Variants in CLIP2 observed in about 807,000 individuals in gnomAD.
CLIP2 encodes CAP-Gly domain-containing linker protein 2.
CLIP2 carries 41 observed loss-of-function variants against 111.7 expected under a neutral mutation model. The observed-to-expected ratio is 0.37, with a 90% confidence interval of 0.29 to 0.48. The LOEUF (loss-of-function observed/expected upper bound fraction) is 0.48, where lower values mean the gene tolerates loss of function less well. Ranked by LOEUF, CLIP2 falls within the 20% of genes least tolerant of loss-of-function variation. CLIP2 has a pLI of 0.99. For missense variants in CLIP2, 1,160 were observed against 1,422.1 expected, an observed-to-expected ratio of 0.82 and a Z score of 2.96; for synonymous variants, 660 against 644.2, an observed-to-expected ratio of 1.02 and a Z score of -0.37.
chr7:74,373,054 C>T lies in CLIP2; in HGVS notation c.1485+18C>T, dbSNP rs782635400. ...ACAACAGGGTAACCGCGCCACCGCACCCGCCTGGCCCGCCAGCCACCTTGC... is the reference window on the plus strand; with the variant it reads ...ACAACAGGGTAACCGCGCCACCGCATCCGCCTGGCCCGCCAGCCACCTTGC... On this transcript the variant is annotated intron_variant, in intron 9 of 16. Transcript: ENST00000223398. The T allele has an allele frequency of 2.2e-5, 34 of 1,515,066 alleles. No individual in the cohort carries two copies. Among genetic ancestry groups the T allele is most frequent in the Middle Eastern group, 1.7e-4 (1 of 5,918 alleles). The allele number at this position is 1,515,066 out of a possible 1,614,324, so 93.9% of individuals were successfully genotyped here. A position where few individuals can be genotyped will look rare whatever the true frequency, so the allele number is the denominator to read the frequency against.
At chr7:74,382,493 T>A (rs1259773737) in intron 11 of CLIP2, among the ~76,000 whole-genome samples, 1 of 148,180 alleles carries the variant, frequency 6.7e-6, no homozygotes. Context: ...TTTTTTTTTT[T>A]AGTAGAGATG....
chr7:74,341,597 C>CT (rs201360817), intron 3 of CLIP2, among the ~76,000 whole-genome samples: 10,028 of 142,772 alleles, frequency 0.07, 756 homozygotes, highest in East Asian at 0.36. Context: ...CTTTTCTTTT[C>CT]TTTTTTTTTT....
At chr7:74,339,138 G>A (rs905882073) in intron 3 of CLIP2, 134 bp downstream of exon 3, 1 of 739,036 alleles carries the variant, frequency 1.4e-6, no homozygotes, top group African/African-American at 1.8e-5. Context: ...GTCCAGCCTG[G>A]GACACCCATT....
intron 7 of CLIP2, among the ~76,000 whole-genome samples, chr7:74,362,323 G>GCCCCCAT (rs1790349386): frequency 6.6e-6 from 1 of 151,970 alleles, no homozygotes; most frequent in African/African-American, 2.4e-5. Context: ...GCAGCAGCCA[G>GCCCCCAT]CCCCCATCCC....
At chr7:74,307,455 A>AT (rs1382111216) in intron 1 of CLIP2, among the ~76,000 whole-genome samples, 1 of 152,164 alleles carries the variant, frequency 6.6e-6, no homozygotes, top group Non-Finnish European at 1.5e-5. Context: ...ATGAGGCCAC[A>AT]TTCGTGCAAT....
intron 11 of CLIP2, 157 bp from the exon 12 acceptor site, chr7:74,386,364 G>A: frequency 1.7e-6 from 1 of 576,348 alleles, no homozygotes. Flanking sequence ...TTCTTCAGGA[G>A]GGGTTACCCA....
intron 2 of CLIP2, among the ~76,000 whole-genome samples, chr7:74,330,374 A>G (rs1411751000): frequency 2.7e-5 from 4 of 150,572 alleles, no homozygotes; most frequent in Non-Finnish European, 5.9e-5. Flanking sequence ...CTCCTTCCTC[A>G]GCCTTCCGAG....
intron 2 of CLIP2, among the ~76,000 whole-genome samples, chr7:74,328,911 T>TTATA (rs782029254): frequency 6.7e-6 from 1 of 149,172 alleles, no homozygotes; most frequent in Admixed American, 6.7e-5. Flanking sequence ...GTATTATTAT[T>TTATA]TATATATATA....
intron 3 of CLIP2, among the ~76,000 whole-genome samples, chr7:74,342,577 C>T (rs998229675): frequency 3.3e-5 from 5 of 152,086 alleles, no homozygotes; most frequent in Admixed American, 6.6e-5. Flanking sequence ...GGGTTAAGGA[C>T]ATCACACCTG....
At chr7:74,390,788 C>G (rs1219512555) in intron 13 of CLIP2, among the ~76,000 whole-genome samples, 2 of 151,636 alleles carry the variant, frequency 1.3e-5, no homozygotes, top group African/African-American at 4.8e-5. Flanking sequence ...TGGCTTCTGC[C>G]TGTAATCCCA....
At position 74,376,619 on chromosome 7, in the gene CLIP2, G is replaced by A. The variant is rs782501959; in HGVS notation, c.2218G>A (p.Val740Met). 5.0e-6 allele frequency: 8 copies of A among 1,613,158 alleles called. No homozygotes were observed. The highest frequency in any genetic ancestry group is 2.7e-5 in the African/African-American group (2 of 74,918). The stretch of plus-strand genomic sequence containing the variant: ...TGTGCACGAGCTGGAAAAACTGGAC[G>A]TGGAGTACCGGGGCCAGGCGCAGGC... ...LRVHELEKLD[V>M]EYRGQAQAIE... is the part of the protein sequence containing the mutation. Residue 740 changes from valine (V) to methionine (M), a missense_variant, in exon 10 of 17, where the codon GTG (valine) becomes ATG (methionine). Physicochemically the swap from Val to Met is conservative, Grantham distance 21 (BLOSUM62 1). This residue lies in a region of CLIP2 where 676 missense variants were observed against 777.8 expected (regional missense o/e 0.87). Coordinates refer to ENST00000223398, the MANE Select transcript of CLIP2 (RefSeq NM_003388.5). This position sits in a 1 kb window ranked among gnomAD's most constrained non-coding sequence, Gnocchi z 7.1.
chr7:74,364,348 T>G (rs1554310369), intron 8 of CLIP2, 33 bp downstream of exon 8: 4 of 1,587,562 alleles, frequency 2.5e-6, no homozygotes, highest in Non-Finnish European at 3.4e-6. Flanking sequence ...CTGGGCACAC[T>G]TAGCACCGGT....
At chr7:74,359,578 A>C (rs1790264784) in intron 6 of CLIP2, among the ~76,000 whole-genome samples, 1 of 151,372 alleles carries the variant, frequency 6.6e-6, no homozygotes, top group Non-Finnish European at 1.5e-5. Context: ...GATGGTCTCA[A>C]TCTCCTGACC....
chr7:74,298,655 C>A (rs548201808), intron 1 of CLIP2, among the ~76,000 whole-genome samples: 2 of 152,186 alleles, frequency 1.3e-5, no homozygotes, highest in Admixed American at 6.5e-5. Context: ...GCCTCAGCCT[C>A]CCAAGTAGCT....
intron 1 of CLIP2, among the ~76,000 whole-genome samples, chr7:74,315,479 A>C (rs969353118): frequency 3.3e-5 from 5 of 152,138 alleles, no homozygotes; most frequent in Admixed American, 2.6e-4. Context: ...TCCTGGGCTC[A>C]AGTGATCCTC....
At chr7:74,330,205 A>G (rs1409929244) in intron 2 of CLIP2, among the ~76,000 whole-genome samples, 1 of 150,954 alleles carries the variant, frequency 6.6e-6, no homozygotes, top group African/African-American at 2.4e-5. Context: ...CTGGGACTAC[A>G]GGCTTGAGCC....
At chr7:74,303,537 C>T (rs1554727181) in intron 1 of CLIP2, among the ~76,000 whole-genome samples, 1 of 151,608 alleles carries the variant, frequency 6.6e-6, no homozygotes, top group Non-Finnish European at 1.5e-5. Context: ...GGGGGCTTGC[C>T]TCTTGGTGGC....
Position 74,376,758 on chromosome 7 carries a change from AGCT to A in CLIP2, c.2358_2360del (p.Lys786_Leu787delinsAsn). On this transcript the variant is annotated inframe_deletion, in exon 10 of 17. Transcript: ENST00000223398. This position sits in a 1 kb window ranked among gnomAD's most constrained non-coding sequence, Gnocchi z 7.1. ...CAGGAGGTCGAGAGTTTGCGGGAGA[AGCT>A]CCTGGTGGCTGAGAACAGACTCCAG... The A allele has an allele frequency of 6.2e-7, 1 of 1,611,990 alleles. No individual in the cohort carries two copies. Among genetic ancestry groups the A allele is most frequent in the South Asian group, 1.1e-5 (1 of 90,628 alleles).
At chr7:74,382,473 T>TC in intron 11 of CLIP2, among the ~76,000 whole-genome samples, 1 of 140,968 alleles carries the variant, frequency 7.1e-6, no homozygotes, top group Non-Finnish European at 1.6e-5. Context: ...CCCTGCTAAT[T>TC]TTTTTTTTTT....
Sources: gnomAD v4.1 joint callset for allele counts (sites outside exome capture counted in the v4.1 genomes callset) on GRCh38, gnomAD v4.1.1 for gene constraint, gnomAD v4.1.1 regional missense constraint, Gnocchi (gnomAD v3.1) non-coding constraint, MANE v1.5 for transcripts, NCBI Gene and HGNC (gene_info 2026-07-23, HGNC 2026-07-21) for gene names.